KDM6B: variants seen among roughly 807,000 people sequenced by gnomAD.
The protein encoded by KDM6B is lysine demethylase 6B, also known as lysine-specific demethylase 6B.
KDM6B carries 22 observed loss-of-function variants against 150.4 expected under a neutral mutation model. That is an observed-to-expected ratio of 0.15 (90% confidence interval 0.10 to 0.21). The LOEUF (loss-of-function observed/expected upper bound fraction) is 0.21, where lower values mean the gene tolerates loss of function less well. Among genes scored for constraint, KDM6B ranks in the 10% least tolerant of loss-of-function variants. The probability of loss-of-function intolerance (pLI) is 1.00; values close to 1 mark genes in which losing one functional copy is unlikely to be tolerated. For missense variants in KDM6B, 1,984 were observed against 2,234.3 expected (o/e 0.89, Z 2.26); for synonymous variants, 1,148 against 921.1 (o/e 1.25, Z -4.46).
rs779098944 is a variant in KDM6B, at chr17:7,848,117, C to G, written c.1829C>G (p.Pro610Arg). Residue 610 changes from proline (P) to arginine (R), a missense_variant, in exon 12 of 24, where the codon CCT (proline) becomes CGT (arginine). This residue lies in a region of KDM6B where 1,379 missense variants were observed against 1,275.6 expected (regional missense o/e 1.08). Transcript: ENST00000448097. ...CTGACTCTTGCCCTGCCTCCAGCCC[C>G]TCCTTCCTCCTGCCACCAAAATACC... ...VPLTLALPPA[P>R]PSSCHQNTSG... 4 of 1,612,962 alleles carry G rather than the reference C, an allele frequency of 2.5e-6. No homozygotes were observed. Among genetic ancestry groups the G allele is most frequent in the African/African-American group, 1.3e-5 (1 of 74,838 alleles).
rs1188673698 is a variant in KDM6B, at chr17:7,848,729, A to G, written c.2441A>G (p.Gln814Arg). Residue 814 changes from glutamine (Q) to arginine (R), a missense_variant, in exon 12 of 24, where the codon CAA becomes CGA. Physicochemically the swap from Gln to Arg is conservative, Grantham distance 43. Transcript: ENST00000448097. ...LKSLASVLEG[Q>R]KYCYRGTGAA... ...TCCTTGGCCTCCGTGCTGGAGGGACAAAAGTACTGTTATCGGGGGACTGGA... is the reference window on the plus strand; with the variant it reads ...TCCTTGGCCTCCGTGCTGGAGGGACGAAAGTACTGTTATCGGGGGACTGGA... 1 of 1,612,644 alleles carries G rather than the reference A, an allele frequency of 6.2e-7. No homozygotes were observed. The highest frequency in any genetic ancestry group is 8.5e-7 in the Non-Finnish European group (1 of 1,179,940).
At position 7,849,846 on chromosome 17, in the gene KDM6B, C is replaced by A. The variant is rs1442099470; in HGVS notation, c.3466C>A (p.Arg1156=). 3.1e-6 allele frequency: 5 copies of A among 1,613,136 alleles called. No individual in the cohort carries two copies. The East Asian group carries it at 1.1e-4, about 36-fold the overall frequency. ...SRNAKVKGKF[R]ESYLSPAQSV... ...GAATGCCAAGGTGAAAGGGAAGTTTCGAGAGTCCTACCTTTCCCCTGCCCA... is the reference window on the plus strand; with the variant it reads ...GAATGCCAAGGTGAAAGGGAAGTTTAGAGAGTCCTACCTTTCCCCTGCCCA... Residue 1156 remains arginine (R), a synonymous_variant, in exon 13 of 24, where the codon CGA becomes AGA. Transcript: ENST00000448097.
rs1378240376 is a variant in KDM6B at position 7,851,687 on chromosome 17, C to T, written c.4056C>T (p.Ala1352=). The part of the protein sequence containing the change: ...PQLQELLKLP[A]FMRVTSTGNM... Reference sequence around the variant, plus strand: ...TGCAGGAGCTGCTGAAGCTGCCCGCCTTCATGCGGGTAACATCCACGGGCA... The same window carrying T: ...TGCAGGAGCTGCTGAAGCTGCCCGCTTTCATGCGGGTAACATCCACGGGCA... The change falls in exon 18 of 24, where the codon GCC becomes GCT. Residue 1352 remains alanine, a synonymous_variant. Coordinates refer to ENST00000448097, the MANE Select transcript of KDM6B (RefSeq NM_001348716.2). The T allele has an allele frequency of 1.3e-6, 2 of 1,574,054 alleles. No individual in the cohort carries two copies. Among genetic ancestry groups the T allele is most frequent in the South Asian group, 1.1e-5 (1 of 87,192 alleles).
In KDM6B at chr17:7,845,000, G is replaced by GTA; in HGVS notation, c.-169_-168insTA. The stretch of plus-strand genomic sequence containing the variant: ...TCTGGAGCTTGCCGACGCGGTGTGA[G>GTA]GACGCTCCCACGGAGGCCGGGTAAG... On this transcript the variant is annotated 5_prime_UTR_variant, in exon 3 of 24. Transcript: ENST00000448097. The surrounding 1 kb of genome is among the most constrained non-coding windows in gnomAD (Gnocchi z 5.9). 1 of 189,646 alleles carries GTA rather than the reference G, an allele frequency of 5.3e-6. No individual in the cohort carries two copies. The highest frequency in any genetic ancestry group is 1.1e-5 in the Non-Finnish European group (1 of 88,370). 11.7% of individuals were successfully genotyped at this position (189,646 alleles called of 1,614,324 possible). A position where few individuals can be genotyped will look rare whatever the true frequency, so the allele number is the denominator to read the frequency against.
Position 7,852,964 on chromosome 17 carries a change from T to C in KDM6B, c.4611-36T>C, listed in dbSNP as rs777412924. ...CCAGCCCTGCCTCAGGCCTCCTCCT[T>C]GCCGGTGGTCTCAACACAACCCCAC... On this transcript the variant is annotated intron_variant, in intron 21 of 23. Coordinates refer to ENST00000448097, the MANE Select transcript of KDM6B (RefSeq NM_001348716.2). 6.2e-6 allele frequency: 10 copies of C among 1,613,070 alleles called. No homozygotes were observed. The African/African-American group carries it at 6.7e-5, about 11-fold the overall frequency.
intron 14 of KDM6B, among the ~76,000 whole-genome samples, chr17:7,850,440 C>G (rs1427702060): frequency 6.6e-6 from 1 of 152,104 alleles, no homozygotes; most frequent in South Asian, 2.1e-4. Context: ...TTTAGAAAAC[C>G]CCTGAAAATC....
In KDM6B at chr17:7,847,119, G is replaced by A. The variant is rs754234408; in HGVS notation, c.924G>A (p.Ser308=). ...ATCTCCTATAGGAGCAGCGGCACTC[G>A]CTGCCTCACCCATATCCATACCCAG... ...APPERQEQRH[S]LPHPYPYPAP... The change falls in exon 11 of 24, where the codon TCG becomes TCA. Residue 308 remains serine, a synonymous_variant. Coordinates refer to ENST00000448097, the MANE Select transcript of KDM6B (RefSeq NM_001348716.2). 6.2e-6 allele frequency: 10 copies of A among 1,611,288 alleles called. No individual in the cohort carries two copies. The highest frequency in any genetic ancestry group is 3.3e-5 in the Admixed American group (2 of 59,988).
At position 7,847,463 on chromosome 17, in the gene KDM6B, A is replaced by C; in HGVS notation, c.1257+11A>C. On this transcript the variant is annotated intron_variant, in intron 11 of 23. Coordinates refer to ENST00000448097, the MANE Select transcript of KDM6B (RefSeq NM_001348716.2). ...CCGAACCCAGGCATTGTGAGTGACA[A>C]CTGAGGGTGGAGGGGGGGATGGGTG... 5 of 1,613,610 alleles carry C rather than the reference A, an allele frequency of 3.1e-6. No individual in the cohort carries two copies. In the South Asian group the frequency reaches 5.5e-5, roughly 18 times the overall value.
intron 20 of KDM6B, 42 bp from the exon 21 acceptor site, chr17:7,852,453 G>A (rs747878391): frequency 5.0e-6 from 8 of 1,590,094 alleles, no homozygotes; most frequent in Non-Finnish European, 6.9e-6. Flanking sequence ...AGGTGTCTGG[G>A]GGCTGTTTGA....
In KDM6B at chr17:7,849,533, C is replaced by T. The variant is rs762371888; in HGVS notation, c.3245C>T (p.Pro1082Leu). 7.4e-6 allele frequency: 12 copies of T among 1,612,672 alleles called. No individual in the cohort carries two copies. Among genetic ancestry groups the T allele is most frequent in the Admixed American group, 5.0e-5 (3 of 59,996 alleles). ...KKAREEAPGPPGVSRADMLKL... is the reference protein window; with the variant it reads ...KKAREEAPGPLGVSRADMLKL... ...GCTCGGGAGGAAGCCCCAGGGCCAC[C>T]GGGTGTCAGCCGGGCCGACATGCTG... Residue 1082 changes from proline to leucine, a missense_variant, in exon 12 of 24, where the codon CCG becomes CTG. Physicochemically the swap from Pro to Leu is moderately conservative, Grantham distance 98 (BLOSUM62 -3). Transcript: ENST00000448097.
chr17:7,839,081 A>AT (rs2078376977), intron 1 of KDM6B, among the ~76,000 whole-genome samples: 1 of 152,168 alleles, frequency 6.6e-6, no homozygotes, highest in Non-Finnish European at 1.5e-5. Context: ...GAGAACTATG[A>AT]TTAAGGGAGC....
At chr17:7,837,830 T>G (rs1335499145) in intron 1 of KDM6B, among the ~76,000 whole-genome samples, 2 of 152,166 alleles carry the variant, frequency 1.3e-5, no homozygotes, top group Non-Finnish European at 2.9e-5. Context: ...TTTATTATTA[T>G]TGCTGTGGGT....
In KDM6B at chr17:7,844,002, TG is replaced by T. The variant is rs1336777365; in HGVS notation, c.-268-896del. On this transcript the variant is annotated intron_variant, in intron 2 of 23. Coordinates refer to ENST00000448097, the MANE Select transcript of KDM6B (RefSeq NM_001348716.2). This position sits in a 1 kb window ranked among gnomAD's most constrained non-coding sequence, Gnocchi z 5.9. ...TCTTTAAGGGAGTGGGTGGTGAGAG[TG>T]GGACAAGGGTGATGTCACTGCCTGT... Among the ~76,000 whole-genome samples, 1 of 145,496 alleles carries T rather than the reference TG, an allele frequency of 6.9e-6. No individual in the cohort carries two copies. Among genetic ancestry groups the T allele is most frequent in the African/African-American group, 2.6e-5 (1 of 38,720 alleles).
chr17:7,846,042 A>ACCCCC, intron 6 of KDM6B, 36 bp from the exon 7 acceptor site: 1 of 1,373,136 alleles, frequency 7.3e-7, no homozygotes, highest in Non-Finnish European at 1.0e-6. Context: ...CTCAAGCCCA[A>ACCCCC]CCCCCACCCA....
intron 1 of KDM6B, among the ~76,000 whole-genome samples, chr17:7,835,706 C>T (rs1226015429): frequency 6.6e-6 from 1 of 152,110 alleles, no homozygotes; most frequent in African/African-American, 2.4e-5. Context: ...GAGGCAGCAG[C>T]TGCCTGGGAC....
chr17:7,847,079 C>T (rs771825993), intron 10 of KDM6B, 26 bp from the exon 11 acceptor site: 15 of 1,610,420 alleles, frequency 9.3e-6, no homozygotes, highest in East Asian at 2.2e-5. Context: ...TATTCCTCAT[C>T]CTGCATCCCT....
intron 7 of KDM6B, 29 bp from the exon 8 acceptor site, chr17:7,846,371 G>GGGCCGGGCCCGGGGGCCCCCCCCC: frequency 1.3e-6 from 2 of 1,488,920 alleles, no homozygotes; most frequent in Non-Finnish European, 9.2e-7. Flanking sequence ...CCTGACATCT[G>GGGCCGGGCCCGGGGGCCCCCCCCC]CCCCTGCCCC....
chr17:7,849,857 C>T lies in KDM6B; in HGVS notation c.3477C>T (p.Tyr1159=), dbSNP rs1363478921. 6.2e-7 allele frequency: 1 copy of T among 1,613,318 alleles called. No homozygotes were observed. The highest frequency in any genetic ancestry group is 2.2e-5 in the East Asian group (1 of 44,878). ...AKVKGKFRES[Y]LSPAQSVKPK... Reference sequence around the variant, plus strand: ...TGAAAGGGAAGTTTCGAGAGTCCTACCTTTCCCCTGCCCAGTCTGTGAAAC... The same window carrying T: ...TGAAAGGGAAGTTTCGAGAGTCCTATCTTTCCCCTGCCCAGTCTGTGAAAC... The change falls in exon 13 of 24, where the codon TAC becomes TAT. Residue 1159 remains tyrosine (Y), a synonymous_variant. Transcript: ENST00000448097.
At position 7,845,616 on chromosome 17, in the gene KDM6B, G is replaced by A. The variant is rs764823980; in HGVS notation, c.62G>A (p.Gly21Asp). 5.6e-5 allele frequency: 91 copies of A among 1,614,062 alleles called. No individual in the cohort carries two copies. The highest frequency in any genetic ancestry group is 7.7e-5 in the Non-Finnish European group (91 of 1,180,056). ...RAAREAFALG[G>D]LSCAGAWSSC... The stretch of plus-strand genomic sequence containing the variant: ...GCACGGGAAGCCTTTGCCCTTGGGG[G>A]CCTGAGCTGTGCTGGGGCCTGGAGC... The change falls in exon 5 of 24, where the codon GGC becomes GAC. Residue 21 changes from glycine (G) to aspartate (D), a missense_variant. Around this residue, in one of 13 missense-constraint regions of KDM6B, gnomAD observed 337 missense variants for 323.9 expected, o/e 1.04. Transcript: ENST00000448097.
Sources: gnomAD v4.1 joint callset for allele counts (sites outside exome capture counted in the v4.1 genomes callset) on GRCh38, gnomAD v4.1.1 for gene constraint, gnomAD v4.1.1 regional missense constraint, Gnocchi (gnomAD v3.1) non-coding constraint, MANE v1.5 for transcripts, NCBI Gene and HGNC (gene_info 2026-07-23, HGNC 2026-07-21) for gene names.